The following SH3D19 variants were observed in gnomAD, a reference collection of about 807,000 sequenced individuals.
SH3D19 encodes the protein SH3 domain-containing protein 19.
A neutral mutation model predicts 112.1 loss-of-function variants in SH3D19; 58 were observed. The ratio of observed to expected loss-of-function variants is 0.52; its 90% CI spans 0.42 to 0.64. The LOEUF (loss-of-function observed/expected upper bound fraction) is 0.64, where lower values mean the gene tolerates loss of function less well. Ranked by LOEUF, SH3D19 falls within the 30% of genes least tolerant of loss-of-function variation. The pLI is 0.00. For synonymous variants in SH3D19, 391 were observed against 448.5 expected (o/e 0.87, Z 1.62); for missense variants, 1,090 against 1,263.4 (o/e 0.86, Z 2.08).
chr4:151,324,755 T>C (rs1179196433), intron 1 of SH3D19, among the ~76,000 whole-genome samples: 10 of 87,232 alleles, frequency 1.1e-4, no homozygotes, highest in South Asian at 8.6e-4. Flanking sequence ...TACAGAAAAC[T>C]GGTGAGCTCG....
At chr4:151,177,046 C>T (rs1290500131) in intron 4 of SH3D19, 91 bp from the exon 5 acceptor site, 2 of 1,162,366 alleles carry the variant, frequency 1.7e-6, no homozygotes, top group African/African-American at 1.6e-5. Context: ...AAACCACCAT[C>T]AACCAAAAAA....
At chr4:151,234,766 T>TGG (rs374882479) in intron 1 of SH3D19, among the ~76,000 whole-genome samples, 1 of 87,138 alleles carries the variant, frequency 1.1e-5, no homozygotes, top group Non-Finnish European at 2.1e-5. Context: ...TTTTTTTTTT[T>TGG]AGACAGGGGC....
intron 2 of SH3D19, among the ~76,000 whole-genome samples, chr4:151,193,012 CAAGCTTCTCA>C (rs1399198006): frequency 6.6e-6 from 1 of 151,394 alleles, no homozygotes; most frequent in African/African-American, 2.4e-5. Flanking sequence ...AACTAGACTG[CAAGCTTCTCA>C]AGGAGAAAGA....
chr4:151,145,457 G>A (rs1382976893), intron 11 of SH3D19, among the ~76,000 whole-genome samples: 1 of 151,990 alleles, frequency 6.6e-6, no homozygotes. Context: ...TCCCTACCCT[G>A]CACCTTGTGA....
chr4:151,172,469 A>T (rs1291437571), intron 7 of SH3D19, among the ~76,000 whole-genome samples: 4 of 152,192 alleles, frequency 2.6e-5, no homozygotes, highest in African/African-American at 7.2e-5. Context: ...GTGGGGCAGA[A>T]GAGGGAAGGA....
intron 3 of SH3D19, 93 bp from the exon 4 acceptor site, chr4:151,179,490 T>C (rs986261891): frequency 8.3e-5 from 48 of 576,040 alleles, no homozygotes; most frequent in Non-Finnish European, 1.2e-4. Context: ...AAAAAGCTTA[T>C]ACTTGACATC....
intron 1 of SH3D19, among the ~76,000 whole-genome samples, chr4:151,233,958 C>T (rs1319377146): frequency 6.6e-6 from 1 of 152,180 alleles, no homozygotes; most frequent in Non-Finnish European, 1.5e-5. Flanking sequence ...AATGCCCTCC[C>T]ATTTTCTTTT....
At chr4:151,264,794 CTTTTTTTCT>C (rs2149991766) in intron 1 of SH3D19, among the ~76,000 whole-genome samples, 1 of 151,728 alleles carries the variant, frequency 6.6e-6, no homozygotes, top group Non-Finnish European at 1.5e-5. Context: ...TCTTTTTTTC[CTTTTTTTCT>C]GATATACAAA....
At chr4:151,144,300 A>G (rs1753544529) in intron 11 of SH3D19, 4 of 1,612,702 alleles carry the variant, frequency 2.5e-6, no homozygotes, top group Non-Finnish European at 3.4e-6. Flanking sequence ...TTAAACGTAA[A>G]CCAATAAAAG....
At chr4:151,137,633 A>C in intron 14 of SH3D19, 99 bp downstream of exon 14, 1 of 927,552 alleles carries the variant, frequency 1.1e-6, no homozygotes, top group Non-Finnish European at 1.5e-6. Flanking sequence ...TCAATGAAAG[A>C]GAACTAGAAT....
intron 12 of SH3D19, chr4:151,140,851 G>C (rs976313840): frequency 2.6e-5 from 4 of 152,156 alleles, no homozygotes; most frequent in African/African-American, 9.7e-5. Flanking sequence ...GTGAATGATG[G>C]TCCACTTTCT....
At chr4:151,275,733 C>T (rs1268865652) in intron 1 of SH3D19, among the ~76,000 whole-genome samples, 1 of 151,986 alleles carries the variant, frequency 6.6e-6, no homozygotes, top group Non-Finnish European at 1.5e-5. Flanking sequence ...ATTGCCCAGG[C>T]TGATCTCAAA....
chr4:151,232,128 C>T (rs1769658200), intron 1 of SH3D19, among the ~76,000 whole-genome samples: 1 of 152,126 alleles, frequency 6.6e-6, no homozygotes, highest in African/African-American at 2.4e-5. Flanking sequence ...AGGTTGCAGT[C>T]AGCTGAGGTC....
intron 16 of SH3D19, 23 bp downstream of exon 16, chr4:151,133,011 T>C: frequency 6.3e-7 from 1 of 1,588,562 alleles, no homozygotes; most frequent in Non-Finnish European, 8.6e-7. Flanking sequence ...CATAACATAA[T>C]AAAAAAAATT....
intron 1 of SH3D19, among the ~76,000 whole-genome samples, chr4:151,232,348 C>T (rs1027772239): frequency 6.8e-6 from 1 of 147,534 alleles, no homozygotes; most frequent in African/African-American, 2.5e-5. Flanking sequence ...CTAACCCAAT[C>T]ACATTGCTGG....
At chr4:151,227,583 G>A (rs965183799) in intron 1 of SH3D19, among the ~76,000 whole-genome samples, 4 of 152,150 alleles carry the variant, frequency 2.6e-5, no homozygotes, top group African/African-American at 9.7e-5. Flanking sequence ...TTCATTTGAT[G>A]AGTATTAAGA....
At chr4:151,155,600 C>T (rs1210170281) in intron 9 of SH3D19, among the ~76,000 whole-genome samples, 1 of 151,930 alleles carries the variant, frequency 6.6e-6, no homozygotes, top group Non-Finnish European at 1.5e-5. Flanking sequence ...AAAAAAACGA[C>T]TGGGGTCTGG....
chr4:151,184,803 C>T (rs1761487267), intron 3 of SH3D19, among the ~76,000 whole-genome samples: 1 of 152,144 alleles, frequency 6.6e-6, no homozygotes, highest in African/African-American at 2.4e-5. Flanking sequence ...AGTAGGCTAC[C>T]CTAGCCGCCC....
At chr4:151,302,332 A>G (rs770100397) in intron 1 of SH3D19, among the ~76,000 whole-genome samples, 2 of 152,206 alleles carry the variant, frequency 1.3e-5, no homozygotes, top group African/African-American at 2.4e-5. Flanking sequence ...TAATCACAGC[A>G]TTAACAACAA....
Sources: allele counts gnomAD v4.1 joint callset (sites outside exome capture counted in the v4.1 genomes callset), GRCh38; gene constraint gnomAD v4.1.1; transcripts MANE v1.5; gene names NCBI Gene and HGNC (gene_info 2026-07-23, HGNC 2026-07-21).